The following GPR158 variants were observed in gnomAD, a reference collection of about 807,000 sequenced individuals.
GPR158 encodes G protein-coupled receptor 158, also known as metabotropic glycine receptor.
Under a neutral mutation model 78.2 loss-of-function variants are expected in GPR158, and 30 were observed. The ratio of observed to expected loss-of-function variants is 0.38; its 90% CI spans 0.29 to 0.52. The LOEUF (loss-of-function observed/expected upper bound fraction) is 0.52, where lower values mean the gene tolerates loss of function less well. Among genes scored for constraint, GPR158 ranks in the 20% least tolerant of loss-of-function variants. The pLI, the probability that GPR158 is intolerant of heterozygous loss-of-function variation, is 0.83. For missense variants in GPR158, 1,463 were observed against 1,523.5 expected (o/e 0.96, Z 0.66); for synonymous variants, 581 against 591.1 (o/e 0.98, Z 0.25).
At chr10:25,346,103 G>A (rs1214469744) in intron 2 of GPR158, among the ~76,000 whole-genome samples, 2 of 151,814 alleles carry the variant, frequency 1.3e-5, no homozygotes, top group Admixed American at 6.6e-5. Flanking sequence ...ACTTAGCAAG[G>A]CTGCTCTTAT....
intron 2 of GPR158, among the ~76,000 whole-genome samples, chr10:25,247,744 T>G (rs1853718485): frequency 6.6e-6 from 1 of 151,962 alleles, no homozygotes; most frequent in African/African-American, 2.4e-5. Context: ...CTTCCAAGTC[T>G]TTGCTATTGT....
chr10:25,423,142 C>T (rs1172611007), intron 4 of GPR158, among the ~76,000 whole-genome samples: 1 of 130,852 alleles, frequency 7.6e-6, no homozygotes, highest in African/African-American at 3.5e-5. Context: ...TATACATATA[C>T]ATATATATGT....
At chr10:25,341,383 C>A (rs1320653007) in intron 2 of GPR158, among the ~76,000 whole-genome samples, 1 of 151,886 alleles carries the variant, frequency 6.6e-6, no homozygotes, top group Non-Finnish European at 1.5e-5. Flanking sequence ...AATATCTATG[C>A]ATTATCTGGG....
At chr10:25,467,690 G>A (rs561494103) in intron 5 of GPR158, among the ~76,000 whole-genome samples, 13 of 152,232 alleles carry the variant, frequency 8.5e-5, no homozygotes, top group South Asian at 8.3e-4. Context: ...CAAAGTACAC[G>A]TCAAGAGAAG....
chr10:25,433,219 A>G (rs1209316958), intron 4 of GPR158, among the ~76,000 whole-genome samples: 1 of 152,152 alleles, frequency 6.6e-6, no homozygotes, highest in Admixed American at 6.5e-5. Context: ...CACGTTTACA[A>G]TGTAATTCGC....
At chr10:25,597,640 T>C (rs1333404679) in intron 10 of GPR158, 132 bp from the exon 11 acceptor site, 8 of 554,156 alleles carry the variant, frequency 1.4e-5, no homozygotes, top group Non-Finnish European at 2.4e-5. Context: ...CAAGTACATA[T>C]GTCAGAGAAA....
chr10:25,330,094 A>T (rs1045191993), intron 2 of GPR158, among the ~76,000 whole-genome samples: 3 of 151,780 alleles, frequency 2.0e-5, no homozygotes, highest in African/African-American at 7.3e-5. Flanking sequence ...TACATGTGCC[A>T]TGCTGGTGCG....
At chr10:25,183,682 A>G (rs1395748033) in intron 1 of GPR158, among the ~76,000 whole-genome samples, 1 of 152,234 alleles carries the variant, frequency 6.6e-6, no homozygotes, top group Non-Finnish European at 1.5e-5. Context: ...TAGGATTTTT[A>G]AAAACCTGTC....
intron 2 of GPR158, among the ~76,000 whole-genome samples, chr10:25,381,545 A>G (rs1467860044): frequency 1.3e-5 from 2 of 152,172 alleles, no homozygotes; most frequent in Non-Finnish European, 2.9e-5. Context: ...AGAGGAAGTC[A>G]CTGGGAACAT....
intron 6 of GPR158, 51 bp from the exon 7 acceptor site, chr10:25,572,598 T>C (rs1383869246): frequency 2.7e-6 from 3 of 1,125,678 alleles, no homozygotes; most frequent in East Asian, 4.7e-5. Flanking sequence ...TTTAGAGTTA[T>C]ACTTTCTGAA....
chr10:25,540,592 C>G lies in GPR158; in HGVS notation c.1405-10384C>G, dbSNP rs566922515. ...ATTAAGAAAATGTGGCACATATACACCATGGAATACTATGCAGCCATAAAA... is the reference window on the plus strand; with the variant it reads ...ATTAAGAAAATGTGGCACATATACAGCATGGAATACTATGCAGCCATAAAA... On this transcript the variant is annotated intron_variant, in intron 5 of 10. Transcript: ENST00000376351. 9.9e-5 allele frequency among the ~76,000 whole-genome samples: 15 copies of G among 152,140 alleles called. No homozygotes were observed. The East Asian group carries it at 1.5e-3, about 16-fold the overall frequency.
chr10:25,424,551 A>T (rs1834793459), intron 4 of GPR158, among the ~76,000 whole-genome samples: 1 of 151,162 alleles, frequency 6.6e-6, no homozygotes, highest in South Asian at 2.1e-4. Flanking sequence ...ATTTTGAATT[A>T]ATTTTTGTAT....
chr10:25,594,915 G>C (rs547685845), intron 9 of GPR158, among the ~76,000 whole-genome samples: 2 of 152,142 alleles, frequency 1.3e-5, no homozygotes, highest in East Asian at 3.9e-4. Context: ...TTCTAGACTC[G>C]TGGACCTTCC....
intron 5 of GPR158, among the ~76,000 whole-genome samples, chr10:25,513,577 T>G (rs1255422588): frequency 6.6e-6 from 1 of 152,070 alleles, no homozygotes; most frequent in African/African-American, 2.4e-5. Flanking sequence ...TTTGGATTGT[T>G]CCTTTTTCTT....
intron 2 of GPR158, among the ~76,000 whole-genome samples, chr10:25,350,469 T>C (rs942763372): frequency 1.3e-5 from 2 of 151,974 alleles, no homozygotes; most frequent in Non-Finnish European, 2.9e-5. Flanking sequence ...AACCTGCCCC[T>C]TACATGTGAA....
intron 2 of GPR158, among the ~76,000 whole-genome samples, chr10:25,329,684 C>G (rs1460003687): frequency 6.6e-6 from 1 of 151,500 alleles, no homozygotes; most frequent in Non-Finnish European, 1.5e-5. Context: ...AAAGACAAAT[C>G]CATTCTCTAC....
At chr10:25,530,187 C>T (rs1053924686) in intron 5 of GPR158, among the ~76,000 whole-genome samples, 2 of 151,934 alleles carry the variant, frequency 1.3e-5, no homozygotes, top group Non-Finnish European at 2.9e-5. Context: ...GTGGCTTCTT[C>T]AATAAGATAA....
chr10:25,176,083 G>A lies in GPR158; in HGVS notation c.663G>A (p.Glu221=). The A allele has an allele frequency of 1.3e-6, 2 of 1,596,728 alleles. No individual in the cohort carries two copies. The highest frequency in any genetic ancestry group is 2.3e-5 in the East Asian group (1 of 44,032). The change falls in exon 1 of 11, where the codon GAG becomes GAA. Residue 221 remains glutamate (E), a synonymous_variant. Transcript: ENST00000376351. The surrounding 1 kb of genome is among the most constrained non-coding windows in gnomAD (Gnocchi z 6.3). ...PHLANATLET[E]WFHGLRRKWR... Reference sequence around the variant, plus strand: ...TGGCCAACGCCACTCTGGAGACCGAGTGGTTCCACGGCCTCCGGCGCAAGT... The same window carrying A: ...TGGCCAACGCCACTCTGGAGACCGAATGGTTCCACGGCCTCCGGCGCAAGT...
chr10:25,451,739 G>T (rs577846233), intron 4 of GPR158, among the ~76,000 whole-genome samples: 3 of 152,142 alleles, frequency 2.0e-5, no homozygotes, highest in African/African-American at 7.2e-5. Flanking sequence ...TGTTGTGAGG[G>T]TTAAATGTGT....
Sources: allele counts gnomAD v4.1 joint callset (sites outside exome capture counted in the v4.1 genomes callset), GRCh38; gene constraint gnomAD v4.1.1; non-coding constraint Gnocchi (gnomAD v3.1); transcripts MANE v1.5; gene names NCBI Gene and HGNC (gene_info 2026-07-23, HGNC 2026-07-21).